The following SOX6 variants were observed in gnomAD, a reference collection of about 807,000 sequenced individuals.
The protein encoded by SOX6 is SRY-box transcription factor 6.
A neutral mutation model predicts 97.8 loss-of-function variants in SOX6; 11 were observed. The ratio of observed to expected loss-of-function variants is 0.11; its 90% CI spans 0.07 to 0.19. SOX6 has a LOEUF of 0.19. SOX6 is among the 10% of genes least tolerant of loss of function. The pLI is 1.00. For missense variants in SOX6, 810 were observed against 1,039.5 expected, an observed-to-expected ratio of 0.78 and a Z score of 3.04; for synonymous variants, 360 against 371.4, an observed-to-expected ratio of 0.97 and a Z score of 0.35.
Position 16,569,868 on chromosome 11 carries a change from C to CAAAAAAAAAAAAAAAAAAAAA in SOX6, n.609+42212_609+42213insTTTTTTTTTTTTTTTTTTTTT, listed in dbSNP as rs34604334. On this transcript the variant is annotated intron_variant and non_coding_transcript_variant, in intron 4 of 5. Transcript: ENST00000524520. ...TGGGTGACTGATCAAGACTCCGTCT[C>CAAAAAAAAAAAAAAAAAAAAA]AAAAAAAAAAAAAAAAAGATATACT... Among the ~76,000 whole-genome samples, 656 of 84,618 alleles carry CAAAAAAAAAAAAAAAAAAAAA rather than the reference C, an allele frequency of 7.8e-3. 43 individuals carry two copies. Among genetic ancestry groups the CAAAAAAAAAAAAAAAAAAAAA allele is most frequent in the East Asian group, 0.058 (136 of 2,362 alleles). The allele number at this position is 84,618 out of a possible 152,430, so 55.5% of individuals were successfully genotyped here.
chr11:16,425,052 A>G (rs1247637825), intron 1 of SOX6, among the ~76,000 whole-genome samples: 1 of 152,254 alleles, frequency 6.6e-6, no homozygotes, highest in African/African-American at 2.4e-5. Context: ...CTTTAGAACC[A>G]GAGGCTTCTT....
intron 3 of SOX6, among the ~76,000 whole-genome samples, chr11:16,627,744 G>T (rs1218608866): frequency 6.6e-6 from 1 of 152,042 alleles, no homozygotes; most frequent in Admixed American, 6.5e-5. Context: ...CCATTCTGTG[G>T]GCTGTCTGTT....
At chr11:16,397,473 C>T (rs1378205868) in intron 1 of SOX6, 1 of 151,848 alleles carries the variant, frequency 6.6e-6, no homozygotes, top group African/African-American at 2.4e-5. Context: ...TCTGCCATTC[C>T]ACCCCGCTGC....
chr11:16,033,635 C>T (rs1855442821), intron 12 of SOX6, among the ~76,000 whole-genome samples: 1 of 152,174 alleles, frequency 6.6e-6, no homozygotes, highest in Non-Finnish European at 1.5e-5. Flanking sequence ...ATTTAGGAGG[C>T]TGAGGCAGGT....
At chr11:16,054,890 C>A (rs1847776116) in intron 10 of SOX6, among the ~76,000 whole-genome samples, 1 of 152,186 alleles carries the variant, frequency 6.6e-6, no homozygotes, top group African/African-American at 2.4e-5. Context: ...GTACCAGCTG[C>A]AGCACAAAAT....
intron 6 of SOX6, among the ~76,000 whole-genome samples, chr11:16,113,454 C>T (rs1261752496): frequency 2.0e-5 from 3 of 152,160 alleles, no homozygotes; most frequent in Admixed American, 6.6e-5. Context: ...TGGAGCTGAT[C>T]CCCCAGTGCC....
intron 1 of SOX6, among the ~76,000 whole-genome samples, chr11:16,411,405 A>G (rs1858815854): frequency 6.6e-6 from 1 of 152,206 alleles, no homozygotes; most frequent in Admixed American, 6.5e-5. Flanking sequence ...TAAATGTGAG[A>G]CATATCTATA....
chr11:16,498,358 C>T (rs569613490), intron 4 of SOX6, among the ~76,000 whole-genome samples: 2 of 152,254 alleles, frequency 1.3e-5, no homozygotes, highest in African/African-American at 4.8e-5. Flanking sequence ...AAAAACATGC[C>T]AAATTGTAAA....
Position 15,967,525 on chromosome 11 carries a change from T to TA in SOX6, c.*5283dup, listed in dbSNP as rs1853172864. The TA allele has an allele frequency of 6.6e-6, 1 of 152,202 alleles. No homozygotes were observed. The highest frequency in any genetic ancestry group is 2.4e-5 in the African/African-American group (1 of 41,448). The allele number at this position is 152,202 out of a possible 1,614,324, so 9.4% of individuals were successfully genotyped here. A position where few individuals can be genotyped will look rare whatever the true frequency, so the allele number is the denominator to read the frequency against. ...CAGCTTATAAGCTTGTCTAAGGTAA[T>TA]AAAAATTTTACATGGCAAATACAAT... On this transcript the variant is annotated 3_prime_UTR_variant, in exon 16 of 16. Coordinates refer to ENST00000683767, the MANE Select transcript of SOX6 (RefSeq NM_001367873.1).
At chr11:16,388,888 G>A (rs944488077) in intron 1 of SOX6, among the ~76,000 whole-genome samples, 12 of 152,032 alleles carry the variant, frequency 7.9e-5, no homozygotes, top group African/African-American at 2.4e-4. Flanking sequence ...AACTTCTTAC[G>A]ACTGTACATT....
At chr11:16,107,410 TATATATAC>T (rs535673852) in intron 7 of SOX6, among the ~76,000 whole-genome samples, 1,746 of 146,220 alleles carry the variant, frequency 0.012, 34 homozygotes, top group African/African-American at 0.042. Context: ...TATATGTATA[TATATATAC>T]ATATATATAC....
intron 6 of SOX6, among the ~76,000 whole-genome samples, chr11:16,144,164 G>A (rs1395671010): frequency 1.3e-5 from 2 of 152,182 alleles, no homozygotes; most frequent in Non-Finnish European, 2.9e-5. Context: ...TCAGACCACA[G>A]TGCAATCAAA....
intron 4 of SOX6, among the ~76,000 whole-genome samples, chr11:16,521,862 T>C (rs1400246193): frequency 6.6e-6 from 1 of 151,996 alleles, no homozygotes; most frequent in African/African-American, 2.4e-5. Context: ...TGTGATCAAC[T>C]GGAAGAAAGG....
At chr11:16,139,385 G>T (rs1441382852) in intron 6 of SOX6, among the ~76,000 whole-genome samples, 2 of 151,904 alleles carry the variant, frequency 1.3e-5, no homozygotes, top group Non-Finnish European at 2.9e-5. Context: ...TTTATTAGTT[G>T]GCACATTAAG....
intron 3 of SOX6, among the ~76,000 whole-genome samples, chr11:16,650,118 C>A (rs1847624609): frequency 6.6e-6 from 1 of 152,076 alleles, no homozygotes; most frequent in Non-Finnish European, 1.5e-5. Context: ...AACACTAGAG[C>A]TCCCAAATTT....
At chr11:16,538,268 C>G (rs1485839588) in intron 4 of SOX6, among the ~76,000 whole-genome samples, 1 of 152,152 alleles carries the variant, frequency 6.6e-6, no homozygotes, top group Non-Finnish European at 1.5e-5. Context: ...TACAGACAAG[C>G]AAATGCTGAG....
At chr11:16,643,914 G>C (rs957067085) in intron 3 of SOX6, among the ~76,000 whole-genome samples, 1 of 152,208 alleles carries the variant, frequency 6.6e-6, no homozygotes, top group Non-Finnish European at 1.5e-5. Flanking sequence ...TGCACCCACT[G>C]TCCTGCACCC....
upstream of SOX6, among the ~76,000 whole-genome samples, chr11:16,478,004 C>A (rs1860284588): frequency 1.3e-5 from 2 of 152,152 alleles, no homozygotes; most frequent in Admixed American, 1.3e-4. Context: ...ACCAGACAAG[C>A]CTACCTGGAC....
chr11:16,720,190 T>C (rs1380336227), intron 2 of SOX6, among the ~76,000 whole-genome samples: 2 of 151,582 alleles, frequency 1.3e-5, no homozygotes, highest in African/African-American at 4.9e-5. Context: ...ATCCCATTAC[T>C]GGGTATATAC....
Sources: gnomAD v4.1 joint callset for allele counts (sites outside exome capture counted in the v4.1 genomes callset) on GRCh38, gnomAD v4.1.1 for gene constraint, MANE v1.5 for transcripts, NCBI Gene and HGNC (gene_info 2026-07-23, HGNC 2026-07-21) for gene names.